Variants in SCAF1 observed in about 807,000 individuals in gnomAD.
SCAF1 encodes the protein SR-related CTD associated factor 1.
In SCAF1, 28 loss-of-function variants were observed where a neutral mutation model predicts 91.2. The observed-to-expected ratio is 0.31, with a 90% CI of 0.23 to 0.42. The LOEUF (loss-of-function observed/expected upper bound fraction) is 0.42, where lower values mean the gene tolerates loss of function less well. Among genes scored for constraint, SCAF1 ranks in the 10% least tolerant of loss-of-function variants. The probability of loss-of-function intolerance (pLI) is 1.00; values close to 1 mark genes in which losing one functional copy is unlikely to be tolerated. For synonymous variants in SCAF1, 1,036 were observed against 833.7 expected (o/e 1.24, Z -4.18); for missense variants, 1,893 against 1,872.1 (o/e 1.01, Z -0.21).
chr19:49,656,685 C>T (rs866329098), intron 9 of SCAF1, among the ~76,000 whole-genome samples: 12 of 152,308 alleles, frequency 7.9e-5, no homozygotes, highest in African/African-American at 2.2e-4. Context: ...AGCCTTGCCT[C>T]GGAGGCTCTC....
intron 6 of SCAF1, 138 bp from the exon 7 acceptor site, chr19:49,650,730 C>A: frequency 1.6e-6 from 1 of 628,724 alleles, no homozygotes; most frequent in Non-Finnish European, 2.8e-6. Flanking sequence ...GAGCATCCTA[C>A]GGCTGGCTCC....
chr19:49,646,427 T>C lies in SCAF1; in HGVS notation c.262-99T>C. 1 of 1,099,556 alleles carries C rather than the reference T, an allele frequency of 9.1e-7. No individual in the cohort carries two copies. Among genetic ancestry groups the C allele is most frequent in the Non-Finnish European group, 1.4e-6 (1 of 728,100 alleles). The allele number at this position is 1,099,556 out of a possible 1,614,324, so 68.1% of individuals were successfully genotyped here. ...AGATCCTCAGTTTTCTTGGGGATCT[T>C]AGATGTCTGGGTTCCTGAGAGGTTA... On this transcript the variant is annotated intron_variant, in intron 4 of 10. Transcript: ENST00000360565. This position sits in a 1 kb window ranked among gnomAD's most constrained non-coding sequence, Gnocchi z 5.6.
chr19:49,655,739 A>G (rs1463355842), intron 9 of SCAF1, among the ~76,000 whole-genome samples: 1 of 152,052 alleles, frequency 6.6e-6, no homozygotes, highest in Non-Finnish European at 1.5e-5. Context: ...GTCACAGCTC[A>G]CTGTAGCCTC....
At chr19:49,643,459 T>C (rs1009378320) in intron 1 of SCAF1, among the ~76,000 whole-genome samples, 2 of 152,262 alleles carry the variant, frequency 1.3e-5, no homozygotes, top group Admixed American at 6.5e-5. Context: ...AACAAGCTAT[T>C]TGTGAAGCAC....
In SCAF1 at chr19:49,646,053, C is replaced by A; in HGVS notation, c.167-55C>A. Reference sequence around the variant, plus strand: ...TCAAGCTCCTCTTTCCTCTACCCCGCAAGTCTCTGCAGCAAGTCCCCTGTG... The same window carrying A: ...TCAAGCTCCTCTTTCCTCTACCCCGAAAGTCTCTGCAGCAAGTCCCCTGTG... On this transcript the variant is annotated intron_variant, in intron 3 of 10. Transcript: ENST00000360565. The surrounding 1 kb of genome is among the most constrained non-coding windows in gnomAD (Gnocchi z 5.6). 6.6e-7 allele frequency: 1 copy of A among 1,507,414 alleles called. No individual in the cohort carries two copies. The allele number at this position is 1,507,414 out of a possible 1,614,324, so 93.4% of individuals were successfully genotyped here.
In SCAF1 at chr19:49,646,930, A is replaced by G. The variant is rs1268408216; in HGVS notation, c.478+100A>G. The stretch of plus-strand genomic sequence containing the variant: ...GTAGCGGTGATCATGTTATTTAGAC[A>G]AAACCTTTCCCTTCTCTTCGTATTA... On this transcript the variant is annotated intron_variant, in intron 6 of 10. Coordinates refer to ENST00000360565, the MANE Select transcript of SCAF1 (RefSeq NM_021228.3). This position sits in a 1 kb window ranked among gnomAD's most constrained non-coding sequence, Gnocchi z 5.6. 4 of 843,016 alleles carry G rather than the reference A, an allele frequency of 4.7e-6. No homozygotes were observed. Among genetic ancestry groups the G allele is most frequent in the Non-Finnish European group, 7.3e-6 (4 of 547,956 alleles). The allele number at this position is 843,016 out of a possible 1,614,324, so 52.2% of individuals were successfully genotyped here.
chr19:49,642,084 G>A (rs550424851), upstream of SCAF1: 2 of 152,390 alleles, frequency 1.3e-5, no homozygotes, highest in South Asian at 2.1e-4. This position sits in a 1 kb window ranked among gnomAD's most constrained non-coding sequence, Gnocchi z 4.0. Context: ...ACCGAGTGCG[G>A]TTGCCTTCCC....
Position 49,652,812 on chromosome 19 carries a change from C to T in SCAF1, c.2423C>T (p.Pro808Leu). 4 of 1,613,922 alleles carry T rather than the reference C, an allele frequency of 2.5e-6. No individual in the cohort carries two copies. The highest frequency in any genetic ancestry group is 1.7e-5 in the Admixed American group (1 of 60,020). ...PKESAPSSGPPPKPPVSSGSG... is the reference protein window; with the variant it reads ...PKESAPSSGPLPKPPVSSGSG... ...GAGTCGGCGCCTTCCTCAGGGCCCC[C>T]GCCAAAGCCACCAGTCAGCAGCGGC... Residue 808 changes from proline (P) to leucine (L), a missense_variant, in exon 7 of 11, where the codon CCG becomes CTG. By Grantham distance (98) the Pro-to-Leu change is moderately conservative. Transcript: ENST00000360565.
Position 49,652,364 on chromosome 19 carries a change from A to C in SCAF1, c.1975A>C (p.Ser659Arg). The C allele has an allele frequency of 6.5e-7, 1 of 1,535,688 alleles. No homozygotes were observed. The highest frequency in any genetic ancestry group is 8.7e-7 in the Non-Finnish European group (1 of 1,143,686). The stretch of plus-strand genomic sequence containing the variant: ...GGGTGAGAAGCGGTCTGGGGATGGC[A>C]GCGAGAAGGCCCCGGCGCCCGCCCC... ...SRGEKRSGDG[S>R]EKAPAPAPPP... Residue 659 changes from serine to arginine, a missense_variant, in exon 7 of 11, where the codon AGC (serine) becomes CGC (arginine). Ser to Arg is a moderately radical substitution (Grantham distance 110, BLOSUM62 -1). This residue lies in a region of SCAF1 where 1,436 missense variants were observed against 1,306.8 expected (regional missense o/e 1.10). Coordinates refer to ENST00000360565, the MANE Select transcript of SCAF1 (RefSeq NM_021228.3).
At chr19:49,650,816 C>T (rs2081080608) in intron 6 of SCAF1, 52 bp from the exon 7 acceptor site, 3 of 1,455,836 alleles carry the variant, frequency 2.1e-6, no homozygotes, top group Admixed American at 1.9e-5. Flanking sequence ...CAAGCAGGCA[C>T]CAGGAGGGAG....
In SCAF1 at chr19:49,652,043, T is replaced by C. The variant is rs2081096647; in HGVS notation, c.1654T>C (p.Ser552Pro). The change falls in exon 7 of 11, where the codon TCC (serine) becomes CCC (proline). Residue 552 changes from serine to proline, a missense_variant. Physicochemically the swap from Ser to Pro is moderately conservative, Grantham distance 74. Coordinates refer to ENST00000360565, the MANE Select transcript of SCAF1 (RefSeq NM_021228.3). ...APPAPASPWD[S>P]KKHRSRDRKP... ...GCCCGCCCCGGCCTCGCCCTGGGAC[T>C]CCAAGAAGCACCGCTCGCGGGACCG... 8.1e-7 allele frequency: 1 copy of C among 1,234,868 alleles called. No individual in the cohort carries two copies. The highest frequency in any genetic ancestry group is 1.6e-5 in the South Asian group (1 of 63,768). 76.5% of individuals were successfully genotyped at this position (1,234,868 alleles called of 1,614,324 possible).
rs752931276 is a variant in SCAF1 at position 49,651,239 on chromosome 19, G to A, written c.850G>A (p.Glu284Lys). Residue 284 changes from glutamate to lysine, a missense_variant, in exon 7 of 11, where the codon GAG becomes AAG. Coordinates refer to ENST00000360565, the MANE Select transcript of SCAF1 (RefSeq NM_021228.3). Reference sequence around the variant, plus strand: ...GGAAGAAGAAGAGGAAGAGGAAGACGAGGAGGAGGAGGAAGGCCTGTCCCA... The same window carrying A: ...GGAAGAAGAAGAGGAAGAGGAAGACAAGGAGGAGGAGGAAGGCCTGTCCCA... ...EEEEEEEEED[E>K]EEEEGLSQSI... 2.5e-6 allele frequency: 4 copies of A among 1,609,060 alleles called. No individual in the cohort carries two copies. Among genetic ancestry groups the A allele is most frequent in the Admixed American group, 1.7e-5 (1 of 59,792 alleles).
chr19:49,653,351 C>T lies in SCAF1; in HGVS notation c.2962C>T (p.Leu988Phe), dbSNP rs1401170789. ...CAAGGCAGCCCCACCACCCCCTGCC[C>T]TCACTCCGGACTCGCAGACCGTGGA... Reference protein sequence around the residue: ...PPKAAPPPPALTPDSQTVDSS... With the variant: ...PPKAAPPPPAFTPDSQTVDSS... Residue 988 changes from leucine to phenylalanine, a missense_variant, in exon 7 of 11, where the codon CTC (leucine) becomes TTC (phenylalanine). Around this residue, in one of 5 missense-constraint regions of SCAF1, gnomAD observed 1,436 missense variants for 1,306.8 expected, o/e 1.10. Coordinates refer to ENST00000360565, the MANE Select transcript of SCAF1 (RefSeq NM_021228.3). 4 of 1,485,278 alleles carry T rather than the reference C, an allele frequency of 2.7e-6. No individual in the cohort carries two copies. Among genetic ancestry groups the T allele is most frequent in the Non-Finnish European group, 3.6e-6 (4 of 1,116,122 alleles). 92.0% of individuals were successfully genotyped at this position (1,485,278 alleles called of 1,614,324 possible). A position where few individuals can be genotyped will look rare whatever the true frequency, so the allele number is the denominator to read the frequency against.
At chr19:49,655,266 C>T (rs2081132144) in intron 9 of SCAF1, among the ~76,000 whole-genome samples, 1 of 152,174 alleles carries the variant, frequency 6.6e-6, no homozygotes, top group Non-Finnish European at 1.5e-5. Flanking sequence ...GAATGGGTGC[C>T]AGGCAGACAG....
intron 9 of SCAF1, among the ~76,000 whole-genome samples, chr19:49,655,549 T>C (rs1174318467): frequency 6.6e-6 from 1 of 152,126 alleles, no homozygotes; most frequent in Non-Finnish European, 1.5e-5. Flanking sequence ...GTATTTTTAG[T>C]AGAGACGGCA....
rs774628930 is a variant in SCAF1, at chr19:49,653,646, C to G, written c.3257C>G (p.Pro1086Arg). ...GTCTCCCAGCTGCCCACGTTGCCCC[C>G]GCCCATGCCCTGGAATCTGCCAGCT... ...SRVSQLPTLP[P>R]PMPWNLPAGV... The change falls in exon 7 of 11, where the codon CCG (proline) becomes CGG (arginine). Residue 1086 changes from proline (P) to arginine (R), a missense_variant. By Grantham distance (103) the Pro-to-Arg change is moderately radical. Transcript: ENST00000360565. 9 of 1,586,992 alleles carry G rather than the reference C, an allele frequency of 5.7e-6. No homozygotes were observed. Among genetic ancestry groups the G allele is most frequent in the Non-Finnish European group, 7.7e-6 (9 of 1,171,816 alleles).
Position 49,652,011 on chromosome 19 carries a change from C to A in SCAF1, c.1622C>A (p.Pro541Gln). The change falls in exon 7 of 11, where the codon CCA (proline) becomes CAA (glutamine). Residue 541 changes from proline to glutamine, a missense_variant. This residue lies in a region of SCAF1 where 1,436 missense variants were observed against 1,306.8 expected (regional missense o/e 1.10). Transcript: ENST00000360565. ...EAASSSSGTQ[P>Q]APPAPASPWD... is the part of the protein sequence containing the mutation. ...GCCTCGTCCTCGTCGGGCACCCAGC[C>A]AGCGCCGCCCGCCCCGGCCTCGCCC... 1 of 1,202,354 alleles carries A rather than the reference C, an allele frequency of 8.3e-7. No individual in the cohort carries two copies. Among genetic ancestry groups the A allele is most frequent in the Non-Finnish European group, 1.0e-6 (1 of 960,198 alleles). 74.5% of individuals were successfully genotyped at this position (1,202,354 alleles called of 1,614,324 possible). A position where few individuals can be genotyped will look rare whatever the true frequency, so the allele number is the denominator to read the frequency against.
At position 49,653,180 on chromosome 19, in the gene SCAF1, G is replaced by C. The variant is rs751556333; in HGVS notation, c.2791G>C (p.Gly931Arg). Residue 931 changes from glycine (G) to arginine (R), a missense_variant, in exon 7 of 11, where the codon GGT (glycine) becomes CGT (arginine). Physicochemically the swap from Gly to Arg is moderately radical, Grantham distance 125. Coordinates refer to ENST00000360565, the MANE Select transcript of SCAF1 (RefSeq NM_021228.3). ...SKTRKKVRSG[G>R]GSGGSGGQVS... Reference sequence around the variant, plus strand: ...GACCAGGAAAAAGGTCCGCAGTGGAGGTGGCAGCGGGGGCAGTGGTGGCCA... The same window carrying C: ...GACCAGGAAAAAGGTCCGCAGTGGACGTGGCAGCGGGGGCAGTGGTGGCCA... 3 of 1,578,422 alleles carry C rather than the reference G, an allele frequency of 1.9e-6. No homozygotes were observed. The highest frequency in any genetic ancestry group is 2.7e-5 in the African/African-American group (2 of 73,970).
At chr19:49,649,929 T>A (rs2081075844) in intron 6 of SCAF1, among the ~76,000 whole-genome samples, 1 of 152,226 alleles carries the variant, frequency 6.6e-6, no homozygotes, top group African/African-American at 2.4e-5. Flanking sequence ...GCTCTGGTGC[T>A]GCCCTCTTGA....
Sources: gnomAD v4.1 joint callset for allele counts (sites outside exome capture counted in the v4.1 genomes callset) on GRCh38, gnomAD v4.1.1 for gene constraint, gnomAD v4.1.1 regional missense constraint, Gnocchi (gnomAD v3.1) non-coding constraint, MANE v1.5 for transcripts, NCBI Gene and HGNC (gene_info 2026-07-23, HGNC 2026-07-21) for gene names.